Variants in NEDD4L observed in about 807,000 individuals in gnomAD.
The protein encoded by NEDD4L is E3 ubiquitin-protein ligase NEDD4-like.
In NEDD4L, 54 loss-of-function variants were observed where a neutral mutation model predicts 148.9. That is an observed-to-expected ratio of 0.36 (90% CI 0.29 to 0.45). The LOEUF (loss-of-function observed/expected upper bound fraction) is 0.45, where lower values mean the gene tolerates loss of function less well. NEDD4L is among the 20% of genes least tolerant of loss of function. NEDD4L has a pLI of 1.00. For synonymous variants in NEDD4L, 433 were observed against 440.7 expected (o/e 0.98, Z 0.22); for missense variants, 856 against 1,233.8 (o/e 0.69, Z 4.59).
chr18:58,045,271 A>G (rs1016798755), intron 1 of NEDD4L: 5 of 396,762 alleles, frequency 1.3e-5, no homozygotes, highest in Admixed American at 8.8e-5. Flanking sequence ...TGCAAAGTCT[A>G]CGGCCAGGAT....
rs147670637 is a variant in NEDD4L, at chr18:58,304,346, C to CAA, written c.298-11619_298-11618dup. Among the ~76,000 whole-genome samples the CAA allele has an allele frequency of 5.9e-3, 381 of 64,272 alleles. 1 individual carries two copies. Among genetic ancestry groups the CAA allele is most frequent in the Non-Finnish European group, 9.0e-3 (267 of 29,816 alleles). 42.2% of individuals were successfully genotyped at this position (64,272 alleles called of 152,430 possible). A position where few individuals can be genotyped will look rare whatever the true frequency, so the allele number is the denominator to read the frequency against. Reference sequence around the variant, plus strand: ...CCACCTGGACAAGACCCTGTCTCTACAAAAAAAAAAAAAAAAAATTAGCCT... The same window carrying CAA: ...CCACCTGGACAAGACCCTGTCTCTACAAAAAAAAAAAAAAAAAAAATTAGCCT... On this transcript the variant is annotated intron_variant, in intron 5 of 30. Transcript: ENST00000400345.
intron 2 of NEDD4L, among the ~76,000 whole-genome samples, chr18:58,172,208 C>T (rs1313799037): frequency 6.6e-6 from 1 of 152,104 alleles, no homozygotes; most frequent in Non-Finnish European, 1.5e-5. Flanking sequence ...AAGGCAGGCA[C>T]CAGGCAGCCG....
At chr18:58,129,955 G>C (rs565098815) in intron 1 of NEDD4L, among the ~76,000 whole-genome samples, 43 of 150,376 alleles carry the variant, frequency 2.9e-4, no homozygotes, top group African/African-American at 9.8e-4. Context: ...GCTCTGTTGG[G>C]GTTTGGTTGA....
intron 2 of NEDD4L, among the ~76,000 whole-genome samples, chr18:58,169,266 G>A (rs2037261836): frequency 6.6e-6 from 1 of 152,226 alleles, no homozygotes; most frequent in African/African-American, 2.4e-5. Context: ...ACCGAGCCGC[G>A]ACTCCACTTG....
chr18:58,115,363 G>C (rs1030413720), intron 1 of NEDD4L, among the ~76,000 whole-genome samples: 1 of 151,612 alleles, frequency 6.6e-6, no homozygotes, highest in African/African-American at 2.4e-5. Flanking sequence ...CAGTCCTAGG[G>C]GAGATGCAAT....
chr18:58,146,324 T>A (rs2146226123), intron 1 of NEDD4L, among the ~76,000 whole-genome samples: 1 of 152,214 alleles, frequency 6.6e-6, no homozygotes, highest in Non-Finnish European at 1.5e-5. Flanking sequence ...GAGCACAACA[T>A]AGGCAGATGT....
chr18:58,353,469 A>G (rs540794573), intron 18 of NEDD4L, among the ~76,000 whole-genome samples: 2 of 152,376 alleles, frequency 1.3e-5, no homozygotes, highest in African/African-American at 4.8e-5. Flanking sequence ...ACCATTTAAG[A>G]AAAGGATTTG....
chr18:58,334,127 T>A (rs1422508509), intron 12 of NEDD4L: 1 of 440,458 alleles, frequency 2.3e-6, no homozygotes, highest in African/African-American at 2.0e-5. Flanking sequence ...CACCCAAATT[T>A]ATACCAATTT....
At chr18:58,060,655 G>A (rs1360877305) in intron 1 of NEDD4L, among the ~76,000 whole-genome samples, 2 of 152,184 alleles carry the variant, frequency 1.3e-5, no homozygotes, top group Non-Finnish European at 2.9e-5. Context: ...TAGGTAGATG[G>A]GAGGAGGGGA....
At chr18:58,380,010 T>C (rs1289802058) in intron 24 of NEDD4L, among the ~76,000 whole-genome samples, 1 of 152,148 alleles carries the variant, frequency 6.6e-6, no homozygotes, top group Non-Finnish European at 1.5e-5. Flanking sequence ...ACAGGATGAT[T>C]TACTGCTGTG....
At chr18:58,292,922 A>G (rs2054977370) in intron 5 of NEDD4L, among the ~76,000 whole-genome samples, 1 of 152,230 alleles carries the variant, frequency 6.6e-6, no homozygotes, top group Non-Finnish European at 1.5e-5. Flanking sequence ...TTTATAAGGC[A>G]CATGAATGGA....
At chr18:58,277,318 C>T (rs2052276263) in intron 5 of NEDD4L, among the ~76,000 whole-genome samples, 1 of 152,048 alleles carries the variant, frequency 6.6e-6, no homozygotes, top group Admixed American at 6.6e-5. Context: ...TAGGATAATC[C>T]CCGAGGCAGC....
chr18:58,191,448 T>C (rs2040108493), intron 2 of NEDD4L, among the ~76,000 whole-genome samples: 1 of 152,242 alleles, frequency 6.6e-6, no homozygotes, highest in Non-Finnish European at 1.5e-5. Flanking sequence ...TGATGGCCCC[T>C]ATTTCAGAAT....
chr18:58,085,089 C>G (rs1163545322), intron 1 of NEDD4L, among the ~76,000 whole-genome samples: 1 of 152,130 alleles, frequency 6.6e-6, no homozygotes, highest in Non-Finnish European at 1.5e-5. Flanking sequence ...GCGTAATGGC[C>G]TCATTTTAAC....
chr18:58,184,475 G>A (rs1244443196), intron 2 of NEDD4L, among the ~76,000 whole-genome samples: 2 of 151,954 alleles, frequency 1.3e-5, no homozygotes, highest in Non-Finnish European at 2.9e-5. Flanking sequence ...CGTCATCTTA[G>A]GAGGTAGGGA....
intron 1 of NEDD4L, among the ~76,000 whole-genome samples, chr18:58,117,834 C>A (rs2145768600): frequency 6.6e-6 from 1 of 152,318 alleles, no homozygotes; most frequent in Non-Finnish European, 1.5e-5. Context: ...CACCTATATA[C>A]TCCATGACAT....
intron 5 of NEDD4L, among the ~76,000 whole-genome samples, chr18:58,273,511 AGT>A (rs1318352871): frequency 6.6e-6 from 1 of 152,138 alleles, no homozygotes; most frequent in African/African-American, 2.4e-5. Flanking sequence ...TAGAGTCAGG[AGT>A]GTGTGTGAGG....
At chr18:58,252,364 TCTAA>T (rs1203597989) in intron 5 of NEDD4L, among the ~76,000 whole-genome samples, 1 of 152,230 alleles carries the variant, frequency 6.6e-6, no homozygotes, top group African/African-American at 2.4e-5. Context: ...TAGGCAGATC[TCTAA>T]AGAGGCCATC....
intron 1 of NEDD4L, among the ~76,000 whole-genome samples, chr18:58,089,794 G>A (rs1375311888): frequency 6.6e-6 from 1 of 151,420 alleles, no homozygotes; most frequent in Non-Finnish European, 1.5e-5. Flanking sequence ...TTCTCCCTGT[G>A]TCTTCACGGG....
Sources: gnomAD v4.1 joint callset for allele counts (sites outside exome capture counted in the v4.1 genomes callset) on GRCh38, gnomAD v4.1.1 for gene constraint, MANE v1.5 for transcripts, NCBI Gene and HGNC (gene_info 2026-07-23, HGNC 2026-07-21) for gene names.